The following MAP3K4 variants were observed in gnomAD, a reference collection of about 807,000 sequenced individuals.
MAP3K4 encodes the protein MAP three kinase 1.
MAP3K4 carries 67 observed loss-of-function variants against 185.6 expected under a neutral mutation model. The ratio of observed to expected loss-of-function variants is 0.36; its 90% CI spans 0.30 to 0.44. The LOEUF (loss-of-function observed/expected upper bound fraction) is 0.44, where lower values mean the gene tolerates loss of function less well. Among genes scored for constraint, MAP3K4 ranks in the 20% least tolerant of loss-of-function variants. MAP3K4 has a pLI of 1.00. For synonymous variants in MAP3K4, 702 were observed against 710.4 expected (o/e 0.99, Z 0.19); for missense variants, 1,551 against 1,995.1 (o/e 0.78, Z 4.24).
Position 161,048,405 on chromosome 6 carries a change from T to TA in MAP3K4, c.344-210dup. The TA allele has an allele frequency of 8.1e-6, 5 of 618,290 alleles. No individual in the cohort carries two copies. In the East Asian group the frequency reaches 1.5e-4, roughly 18 times the overall value. 38.3% of individuals were successfully genotyped at this position (618,290 alleles called of 1,614,324 possible). ...TGTGAATATAAGAGAATACAGCAAA[T>TA]ACTGGAAAAATGGATAATTTTTTTT... is the stretch of plus-strand genomic sequence containing the variant. On this transcript the variant is annotated intron_variant, in intron 2 of 26. Coordinates refer to ENST00000392142, the MANE Select transcript of MAP3K4 (RefSeq NM_005922.4). This position sits in a 1 kb window ranked among gnomAD's most constrained non-coding sequence, Gnocchi z 4.7.
intron 3 of MAP3K4, among the ~76,000 whole-genome samples, chr6:161,062,550 G>A (rs1784529860): frequency 6.6e-6 from 1 of 152,198 alleles, no homozygotes; most frequent in African/African-American, 2.4e-5. Context: ...AAGGGCTCAG[G>A]AGGACAGCAT....
At position 161,022,776 on chromosome 6, in the gene MAP3K4, A is replaced by G. The variant is rs1047596933; in HGVS notation, c.153-11483A>G. On this transcript the variant is annotated intron_variant, in intron 1 of 26. Transcript: ENST00000392142. This position sits in a 1 kb window ranked among gnomAD's most constrained non-coding sequence, Gnocchi z 4.2. ...ATGTAACAGAGCACCTCCCATCATCAATAAGAATTGACCTCCTGTGCAAAG... is the reference window on the plus strand; with the variant it reads ...ATGTAACAGAGCACCTCCCATCATCGATAAGAATTGACCTCCTGTGCAAAG... Among the ~76,000 whole-genome samples the G allele has an allele frequency of 6.6e-6, 1 of 152,162 alleles. No homozygotes were observed. The highest frequency in any genetic ancestry group is 2.4e-5 in the African/African-American group (1 of 41,424).
At chr6:161,000,738 C>T (rs1481841835) in intron 1 of MAP3K4, among the ~76,000 whole-genome samples, 1 of 151,632 alleles carries the variant, frequency 6.6e-6, no homozygotes, top group Admixed American at 6.6e-5. Context: ...CATACACACA[C>T]ATATATGTGT....
At position 161,097,419 on chromosome 6, in the gene MAP3K4, C is replaced by T. The variant is rs765620299; in HGVS notation, c.3524+243C>T. On this transcript the variant is annotated intron_variant, in intron 16 of 26. Coordinates refer to ENST00000392142, the MANE Select transcript of MAP3K4 (RefSeq NM_005922.4). The surrounding 1 kb of genome is among the most constrained non-coding windows in gnomAD (Gnocchi z 4.9). ...TTCTCAGCTTATTTATAACCTCAAGCTACTACATGCTTTCTGGCTGTGGAG... is the reference window on the plus strand; with the variant it reads ...TTCTCAGCTTATTTATAACCTCAAGTTACTACATGCTTTCTGGCTGTGGAG... Among the ~76,000 whole-genome samples, 2 of 152,224 alleles carry T rather than the reference C, an allele frequency of 1.3e-5. No homozygotes were observed. The highest frequency in any genetic ancestry group is 2.4e-5 in the African/African-American group (1 of 41,454).
chr6:161,112,618 G>T lies in MAP3K4; in HGVS notation c.4520-50G>T. 8.9e-7 allele frequency: 1 copy of T among 1,120,284 alleles called. No homozygotes were observed. The highest frequency in any genetic ancestry group is 2.3e-5 in the South Asian group (1 of 42,902). 69.4% of individuals were successfully genotyped at this position (1,120,284 alleles called of 1,614,324 possible). On this transcript the variant is annotated intron_variant, in intron 24 of 26. Coordinates refer to ENST00000392142, the MANE Select transcript of MAP3K4 (RefSeq NM_005922.4). The surrounding 1 kb of genome is among the most constrained non-coding windows in gnomAD (Gnocchi z 5.1). ...TTATTGCTTGGCTCTATTAATACATGTTGATGTGTTTATAACCCATTACTC... is the reference window on the plus strand; with the variant it reads ...TTATTGCTTGGCTCTATTAATACATTTTGATGTGTTTATAACCCATTACTC...
rs146908706 is a variant in MAP3K4, at chr6:161,061,285, G to T, written c.1708-9323G>T. On this transcript the variant is annotated intron_variant, in intron 3 of 26. Transcript: ENST00000392142. The surrounding 1 kb of genome is among the most constrained non-coding windows in gnomAD (Gnocchi z 4.2). ...ATCTCAGTGTGATTACTGGAAAACA[G>T]TTCAAGTTTTGTTTTTGACCATCCT... is the stretch of plus-strand genomic sequence containing the variant. Among the ~76,000 whole-genome samples the T allele has an allele frequency of 5.5e-3, 833 of 152,310 alleles. 7 individuals carry two copies. The highest frequency in any genetic ancestry group is 0.019 in the African/African-American group (785 of 41,562).
chr6:161,115,360 A>T lies in MAP3K4; in HGVS notation c.4806+58A>T. On this transcript the variant is annotated intron_variant, in intron 26 of 26. Coordinates refer to ENST00000392142, the MANE Select transcript of MAP3K4 (RefSeq NM_005922.4). This position sits in a 1 kb window ranked among gnomAD's most constrained non-coding sequence, Gnocchi z 6.0. ...TTTAAGTGTTTAAGTTCTGTTTTGC[A>T]TCAAGACGTTAATGAAATTTTGAAA... is the stretch of plus-strand genomic sequence containing the variant. The T allele has an allele frequency of 1.3e-6, 2 of 1,498,818 alleles. No individual in the cohort carries two copies. The highest frequency in any genetic ancestry group is 4.2e-5 in the Admixed American group (2 of 47,862). The allele number at this position is 1,498,818 out of a possible 1,614,324, so 92.8% of individuals were successfully genotyped here.
chr6:161,083,370 A>G (rs1042204581), intron 6 of MAP3K4, among the ~76,000 whole-genome samples: 10 of 152,296 alleles, frequency 6.6e-5, no homozygotes, highest in Admixed American at 3.3e-4. Flanking sequence ...GCTGCTGCTT[A>G]GTACGTAATA....
At chr6:161,081,426 G>A (rs1373632063) in intron 6 of MAP3K4, among the ~76,000 whole-genome samples, 1 of 152,130 alleles carries the variant, frequency 6.6e-6, no homozygotes, top group East Asian at 1.9e-4. Context: ...CTAATAAAAG[G>A]AAGGAGATTG....
chr6:161,051,562 T>C lies in MAP3K4; in HGVS notation c.1707+1583T>C, dbSNP rs1784002261. Among the ~76,000 whole-genome samples the C allele has an allele frequency of 6.6e-6, 1 of 152,242 alleles. No individual in the cohort carries two copies. The highest frequency in any genetic ancestry group is 2.1e-4 in the South Asian group (1 of 4,832). ...ACATATGTTGGTAAGACAGGATTGA[T>C]GTTTAATTTGTATTGTGACCACTGG... On this transcript the variant is annotated intron_variant, in intron 3 of 26. Transcript: ENST00000392142. This position sits in a 1 kb window ranked among gnomAD's most constrained non-coding sequence, Gnocchi z 4.2.
At chr6:161,050,042 T>C in intron 3 of MAP3K4, 63 bp downstream of exon 3, 1 of 1,448,910 alleles carries the variant, frequency 6.9e-7, no homozygotes, top group Non-Finnish European at 9.3e-7. Flanking sequence ...TTGCAAATTA[T>C]AATGTTGGTG....
chr6:161,026,856 G>A (rs1216375195), intron 1 of MAP3K4, among the ~76,000 whole-genome samples: 1 of 149,482 alleles, frequency 6.7e-6, no homozygotes, highest in Non-Finnish European at 1.5e-5. Context: ...TTTTATGAGA[G>A]TTTATTTTCT....
At chr6:161,079,498 A>AC (rs1474663347) in intron 5 of MAP3K4, among the ~76,000 whole-genome samples, 3 of 151,976 alleles carry the variant, frequency 2.0e-5, no homozygotes, top group African/African-American at 7.3e-5. Flanking sequence ...AATCGCTTGA[A>AC]CCCGGGAGGC....
In MAP3K4 at chr6:161,104,709, CAAAAAAA is replaced by C. The variant is rs10688556; in HGVS notation, c.3857-1795_3857-1789del. Among the ~76,000 whole-genome samples the C allele has an allele frequency of 4.1e-5, 5 of 121,630 alleles. No individual in the cohort carries two copies. The Admixed American group carries it at 4.4e-4, about 11-fold the overall frequency. The allele number at this position is 121,630 out of a possible 152,430, so 79.8% of individuals were successfully genotyped here. On this transcript the variant is annotated intron_variant, in intron 19 of 26. Transcript: ENST00000392142. ...CTGGTGACAGAGGGAGACTCCATCT[CAAAAAAA>C]AAAAAAAAAGGAATCTTGAGAAATT...
chr6:161,109,113 C>T lies in MAP3K4; in HGVS notation c.4236+254C>T, dbSNP rs1778233083. On this transcript the variant is annotated intron_variant, in intron 22 of 26. Coordinates refer to ENST00000392142, the MANE Select transcript of MAP3K4 (RefSeq NM_005922.4). This position sits in a 1 kb window ranked among gnomAD's most constrained non-coding sequence, Gnocchi z 5.7. The stretch of plus-strand genomic sequence containing the variant: ...AACCCATCCTGCCATTCAGAAGATT[C>T]TTCTAAAACGCCCCTTACACCACTT... The T allele has an allele frequency of 1.9e-6, 2 of 1,080,672 alleles. No individual in the cohort carries two copies. Among genetic ancestry groups the T allele is most frequent in the Middle Eastern group, 2.6e-4 (1 of 3,780 alleles). 66.9% of individuals were successfully genotyped at this position (1,080,672 alleles called of 1,614,324 possible). A position where few individuals can be genotyped will look rare whatever the true frequency, so the allele number is the denominator to read the frequency against.
Position 161,049,370 on chromosome 6 carries a change from A to G in MAP3K4, c.1098A>G (p.Ala366=). The G allele has an allele frequency of 1.2e-6, 2 of 1,614,196 alleles. No individual in the cohort carries two copies. The highest frequency in any genetic ancestry group is 1.7e-6 in the Non-Finnish European group (2 of 1,180,028). Residue 366 remains alanine, a synonymous_variant, in exon 3 of 27, where the codon GCA becomes GCG. Coordinates refer to ENST00000392142, the MANE Select transcript of MAP3K4 (RefSeq NM_005922.4). This position sits in a 1 kb window ranked among gnomAD's most constrained non-coding sequence, Gnocchi z 8.4. ...TGGAGCTGCTAGAGTACATAGAAGC[A>G]CTTTATCCATCATTGCAGGCTCTTC... ...RIMELLEYIE[A]LYPSLQALQK...
chr6:161,000,891 A>T (rs1001694253), intron 1 of MAP3K4, among the ~76,000 whole-genome samples: 13 of 149,356 alleles, frequency 8.7e-5, no homozygotes, highest in Admixed American at 4.7e-4. Flanking sequence ...ATATTATACT[A>T]TACATATATG....
chr6:161,043,545 G>A lies in MAP3K4; in HGVS notation c.344-5071G>A, dbSNP rs1783586064. ...ACCCCTGTTCTGACATTAACCATGT[G>A]TCTAACCATCTGTGTTCTGTGATAA... On this transcript the variant is annotated intron_variant, in intron 2 of 26. Coordinates refer to ENST00000392142, the MANE Select transcript of MAP3K4 (RefSeq NM_005922.4). This position sits in a 1 kb window ranked among gnomAD's most constrained non-coding sequence, Gnocchi z 4.3. Among the ~76,000 whole-genome samples the A allele has an allele frequency of 2.0e-5, 3 of 152,160 alleles. No individual in the cohort carries two copies. In the South Asian group the frequency reaches 6.2e-4, roughly 32 times the overall value.
chr6:161,019,750 A>G (rs1782290038), intron 1 of MAP3K4, among the ~76,000 whole-genome samples: 1 of 152,132 alleles, frequency 6.6e-6, no homozygotes, highest in Admixed American at 6.5e-5. Context: ...TTTAGTCGTA[A>G]CCTTGATTAT....
Sources: gnomAD v4.1 joint callset for allele counts (sites outside exome capture counted in the v4.1 genomes callset) on GRCh38, gnomAD v4.1.1 for gene constraint, Gnocchi (gnomAD v3.1) non-coding constraint, MANE v1.5 for transcripts, NCBI Gene and HGNC (gene_info 2026-07-23, HGNC 2026-07-21) for gene names.